The following AKAP19 variants were observed in gnomAD, a reference collection of about 807,000 sequenced individuals.
The protein encoded by AKAP19 is A-kinase anchoring protein 19.
At chr2:190,071,253 G>T in the AKAP19 span, among the ~76,000 whole-genome samples, 1 of 152,160 alleles carries the variant, frequency 6.6e-6, no homozygotes, top group Non-Finnish European at 1.5e-5. Context: ...TTCAAGACCA[G>T]TTTGGGCAGT....
chr2:189,934,517 A>G, the AKAP19 span, among the ~76,000 whole-genome samples: 2 of 151,980 alleles, frequency 1.3e-5, no homozygotes, highest in African/African-American at 4.8e-5. Context: ...TTAAAAATCA[A>G]GACTTACTAC....
the AKAP19 span, among the ~76,000 whole-genome samples, chr2:189,925,944 A>G: frequency 6.6e-6 from 1 of 152,354 alleles, no homozygotes; most frequent in East Asian, 1.9e-4. Context: ...GGATTTAGTG[A>G]AAAGTACATT....
the AKAP19 span, among the ~76,000 whole-genome samples, chr2:190,099,722 T>A: frequency 6.6e-6 from 1 of 152,158 alleles, no homozygotes; most frequent in Non-Finnish European, 1.5e-5. Flanking sequence ...TAAAATGAGG[T>A]GTGCTTGTGC....
chr2:190,087,649 G>A, the AKAP19 span, among the ~76,000 whole-genome samples: 3 of 152,330 alleles, frequency 2.0e-5, no homozygotes, highest in Admixed American at 6.5e-5. Context: ...CCACTTGCCT[G>A]TGAATCAATG....
At chr2:190,050,148 G>A in the AKAP19 span, among the ~76,000 whole-genome samples, 2,209 of 152,342 alleles carry the variant, frequency 0.015, 122 homozygotes, top group East Asian at 0.18. Flanking sequence ...GCTGTGCAAT[G>A]TAGACAGGCA....
chr2:189,942,088 G>A, the AKAP19 span, among the ~76,000 whole-genome samples: 1 of 152,106 alleles, frequency 6.6e-6, no homozygotes. Flanking sequence ...AATGACAAAG[G>A]GATCTGATAT....
At chr2:190,030,198 T>G in the AKAP19 span, among the ~76,000 whole-genome samples, 18 of 152,210 alleles carry the variant, frequency 1.2e-4, no homozygotes, top group Admixed American at 2.0e-4. Context: ...ATAATCTCCT[T>G]GCTCCTGGTT....
At chr2:189,948,210 G>T in the AKAP19 span, among the ~76,000 whole-genome samples, 2 of 152,036 alleles carry the variant, frequency 1.3e-5, no homozygotes, top group African/African-American at 4.8e-5. Flanking sequence ...TAATAAGAAA[G>T]AAATTAATTC....
chr2:190,120,183 T>C, the AKAP19 span, among the ~76,000 whole-genome samples: 4 of 152,162 alleles, frequency 2.6e-5, no homozygotes, highest in Non-Finnish European at 5.9e-5. Flanking sequence ...TAGATTCTCA[T>C]ACGAGGGCAA....
the AKAP19 span, among the ~76,000 whole-genome samples, chr2:189,880,960 C>A: frequency 6.6e-6 from 1 of 152,042 alleles, no homozygotes. Flanking sequence ...TTGAGGTGAG[C>A]CAACTAATTT....
the AKAP19 span, among the ~76,000 whole-genome samples, chr2:190,086,260 T>A: frequency 6.6e-6 from 1 of 152,214 alleles, no homozygotes; most frequent in Non-Finnish European, 1.5e-5. Context: ...CCTTAAAATA[T>A]CACCAATTGT....
the AKAP19 span, chr2:189,923,382 C>A: frequency 8.7e-6 from 14 of 1,612,804 alleles, no homozygotes; most frequent in Admixed American, 2.2e-4. Context: ...TCCATGAACT[C>A]CCGTGTATTC....
chr2:190,158,240 TGCC>T, the AKAP19 span, among the ~76,000 whole-genome samples: 1 of 152,192 alleles, frequency 6.6e-6, no homozygotes, highest in African/African-American at 2.4e-5. Context: ...GGCAGTAGCT[TGCC>T]AATGCTCCCA....
chr2:189,993,020 C>T, the AKAP19 span, among the ~76,000 whole-genome samples: 28 of 152,114 alleles, frequency 1.8e-4, no homozygotes, highest in Admixed American at 1.4e-3. Flanking sequence ...CTTTCTCTTG[C>T]CTGATTGCTC....
the AKAP19 span, among the ~76,000 whole-genome samples, chr2:190,057,925 G>A: frequency 6.6e-6 from 1 of 152,054 alleles, no homozygotes; most frequent in Admixed American, 6.6e-5. Flanking sequence ...CATAATGGAT[G>A]TCCTGAAAAT....
chr2:190,049,044 TAAAGAC>T, the AKAP19 span, among the ~76,000 whole-genome samples: 14 of 152,088 alleles, frequency 9.2e-5, no homozygotes, highest in African/African-American at 3.4e-4. Context: ...AAGCCATAAA[TAAAGAC>T]TAAAGTATGT....
chr2:190,019,416 G>C, the AKAP19 span, among the ~76,000 whole-genome samples: 1 of 152,082 alleles, frequency 6.6e-6, no homozygotes, highest in Non-Finnish European at 1.5e-5. Context: ...TCAAAGACTG[G>C]GCATGAGGCT....
At chr2:190,121,512 G>T in the AKAP19 span, among the ~76,000 whole-genome samples, 1 of 151,962 alleles carries the variant, frequency 6.6e-6, no homozygotes, top group South Asian at 2.1e-4. Flanking sequence ...CACATTTATG[G>T]GCACTTCCAT....
chr2:190,147,832 G>A, the AKAP19 span, among the ~76,000 whole-genome samples: 1 of 151,986 alleles, frequency 6.6e-6, no homozygotes, highest in Non-Finnish European at 1.5e-5. Flanking sequence ...GCGTATAGAA[G>A]AGCTACTGAT....
Sources: allele counts gnomAD v4.1 joint callset (sites outside exome capture counted in the v4.1 genomes callset), GRCh38; gene constraint gnomAD v4.1.1; transcripts MANE v1.5; gene names NCBI Gene and HGNC (gene_info 2026-07-23, HGNC 2026-07-21).